Variants in RAPGEF5 observed in about 807,000 individuals in gnomAD.
RAPGEF5 encodes Rap guanine nucleotide exchange factor 5.
Under a neutral mutation model 125.2 loss-of-function variants are expected in RAPGEF5, and 65 were observed. The ratio of observed to expected loss-of-function variants is 0.52; its 90% confidence interval spans 0.43 to 0.64. The LOEUF is 0.64. RAPGEF5 is among the 30% of genes least tolerant of loss of function. The pLI is 0.00. For missense variants in RAPGEF5, 958 were observed against 1,048.1 expected (o/e 0.91, Z 1.19); for synonymous variants, 391 against 385.9 (o/e 1.01, Z -0.16).
At chr7:22,273,635 C>G (rs1782493536) in intron 6 of RAPGEF5, among the ~76,000 whole-genome samples, 1 of 152,190 alleles carries the variant, frequency 6.6e-6, no homozygotes, top group Non-Finnish European at 1.5e-5. Context: ...TAGAAGTGAT[C>G]TGAAACTAAC....
At chr7:22,296,993 T>C (rs1159952919) in intron 5 of RAPGEF5, among the ~76,000 whole-genome samples, 1 of 152,178 alleles carries the variant, frequency 6.6e-6, no homozygotes, top group African/African-American at 2.4e-5. Context: ...AAGGTTGCCT[T>C]CAGTGGAGTG....
At chr7:22,127,757 A>G (rs1284697373) in intron 24 of RAPGEF5, among the ~76,000 whole-genome samples, 1 of 152,244 alleles carries the variant, frequency 6.6e-6, no homozygotes, top group Non-Finnish European at 1.5e-5. Flanking sequence ...CAAACCCTCA[A>G]TGAATTATTG....
intron 5 of RAPGEF5, among the ~76,000 whole-genome samples, chr7:22,304,459 T>TATTA (rs1425800821): frequency 6.6e-6 from 1 of 152,232 alleles, no homozygotes; most frequent in Non-Finnish European, 1.5e-5. Flanking sequence ...CTGGAGTTAT[T>TATTA]ATTAGGTTGC....
At chr7:22,241,891 T>C (rs970860640) in intron 7 of RAPGEF5, among the ~76,000 whole-genome samples, 4 of 152,150 alleles carry the variant, frequency 2.6e-5, no homozygotes, top group African/African-American at 9.7e-5. Context: ...TCTGTAGAGA[T>C]TCTGTTACCT....
At chr7:22,319,746 G>C (rs1236851614) in intron 1 of RAPGEF5, among the ~76,000 whole-genome samples, 1 of 151,956 alleles carries the variant, frequency 6.6e-6, no homozygotes, top group Non-Finnish European at 1.5e-5. Context: ...TGGCAGACCA[G>C]AAATGACAGT....
At chr7:22,218,874 T>C (rs1200117496) in intron 9 of RAPGEF5, among the ~76,000 whole-genome samples, 2 of 152,174 alleles carry the variant, frequency 1.3e-5, no homozygotes, top group Admixed American at 1.3e-4. Flanking sequence ...AGACACCAAC[T>C]GTTACAATTC....
chr7:22,187,756 G>A (rs1784866594), intron 11 of RAPGEF5, among the ~76,000 whole-genome samples: 1 of 152,226 alleles, frequency 6.6e-6, no homozygotes, highest in Non-Finnish European at 1.5e-5. Flanking sequence ...TCCTGTCAGA[G>A]GGGTTGTAAA....
At chr7:22,122,544 A>C (rs1206428794) in intron 25 of RAPGEF5, 23 bp from the exon 26 acceptor site, 2 of 1,536,640 alleles carry the variant, frequency 1.3e-6, no homozygotes, top group Admixed American at 1.7e-5. Flanking sequence ...GGGGGAAAAA[A>C]GACAATCTCA....
At chr7:22,311,533 A>T (rs1254291411) in intron 3 of RAPGEF5, among the ~76,000 whole-genome samples, 1 of 152,202 alleles carries the variant, frequency 6.6e-6, no homozygotes, top group African/African-American at 2.4e-5. Context: ...GAAGAAAAAT[A>T]AAGTAGTAAA....
At chr7:22,150,573 C>T (rs539871799) in intron 17 of RAPGEF5, 69 bp from the exon 18 acceptor site, 90 of 1,492,612 alleles carry the variant, frequency 6.0e-5, no homozygotes, top group Admixed American at 2.5e-4. Context: ...TAGGCCTACA[C>T]AGTACACTTA....
intron 11 of RAPGEF5, among the ~76,000 whole-genome samples, chr7:22,182,258 TGAGA>T (rs1004625348): frequency 6.6e-6 from 1 of 152,168 alleles, no homozygotes; most frequent in Non-Finnish European, 1.5e-5. Flanking sequence ...ACAAGATCTC[TGAGA>T]GAGAGAAACA....
intron 9 of RAPGEF5, among the ~76,000 whole-genome samples, chr7:22,203,896 T>G (rs1785338061): frequency 1.3e-5 from 2 of 152,156 alleles, no homozygotes; most frequent in Admixed American, 1.3e-4. Flanking sequence ...TGCAGAAATC[T>G]AAATTAGATC....
intron 1 of RAPGEF5, among the ~76,000 whole-genome samples, chr7:22,342,984 C>A (rs533900810): frequency 1.3e-5 from 2 of 152,302 alleles, no homozygotes; most frequent in South Asian, 4.1e-4. Flanking sequence ...TTCAGTAGTG[C>A]CCCCACTCTA....
chr7:22,274,068 T>G (rs952495420), intron 6 of RAPGEF5, among the ~76,000 whole-genome samples: 17 of 152,154 alleles, frequency 1.1e-4, no homozygotes, highest in African/African-American at 4.1e-4. Context: ...CATCCCATGC[T>G]CCAGGTTTTC....
At chr7:22,184,625 A>G (rs994508608) in intron 11 of RAPGEF5, among the ~76,000 whole-genome samples, 4 of 152,178 alleles carry the variant, frequency 2.6e-5, no homozygotes, top group Admixed American at 1.3e-4. Flanking sequence ...TTGTAATGAA[A>G]ACTTCCACAT....
chr7:22,310,112 C>A, intron 3 of RAPGEF5, 22 bp from the exon 4 acceptor site: 1 of 1,521,640 alleles, frequency 6.6e-7, no homozygotes, highest in Non-Finnish European at 8.8e-7. Flanking sequence ...CAAAGCCATT[C>A]ACAGTAAGAT....
intron 7 of RAPGEF5, among the ~76,000 whole-genome samples, chr7:22,239,385 A>G (rs191507898): frequency 3.9e-5 from 6 of 152,286 alleles, no homozygotes; most frequent in Admixed American, 2.0e-4. Context: ...GGTGTGCTGT[A>G]TGTTCGGGAA....
intron 20 of RAPGEF5, 62 bp from the exon 21 acceptor site, chr7:22,140,177 A>G: frequency 6.9e-7 from 1 of 1,458,474 alleles, no homozygotes; most frequent in African/African-American, 1.4e-5. Flanking sequence ...GATAATCACA[A>G]AAGATAAAGC....
chr7:22,302,639 G>A (rs1242506780), intron 5 of RAPGEF5, among the ~76,000 whole-genome samples: 2 of 152,244 alleles, frequency 1.3e-5, no homozygotes, highest in South Asian at 2.1e-4. Flanking sequence ...TGTACCCAGA[G>A]GCTACCTTGA....
Sources: allele counts gnomAD v4.1 joint callset (sites outside exome capture counted in the v4.1 genomes callset), GRCh38; gene constraint gnomAD v4.1.1; transcripts MANE v1.5; gene names NCBI Gene and HGNC (gene_info 2026-07-23, HGNC 2026-07-21).